Variants in OXR1 observed in about 807,000 individuals in gnomAD.
The protein encoded by OXR1 is oxidation resistance 1.
In OXR1, 41 loss-of-function variants were observed where a neutral mutation model predicts 104.6. The observed-to-expected ratio is 0.39, with a 90% confidence interval of 0.31 to 0.51. OXR1 has a LOEUF of 0.51. OXR1 is among the 20% of genes least tolerant of loss of function. The pLI is 0.77. For missense variants in OXR1, 955 were observed against 1,031.9 expected (o/e 0.93, Z 1.02); for synonymous variants, 348 against 348.4 (o/e 1.00, Z 0.01).
intron 2 of OXR1, among the ~76,000 whole-genome samples, chr8:106,369,408 C>T (rs1457697353): frequency 6.6e-6 from 1 of 152,130 alleles, no homozygotes; most frequent in Non-Finnish European, 1.5e-5. Context: ...TTAATTAGAA[C>T]CCATTTGTCA....
chr8:106,292,225 A>G (rs1348052852), intron 1 of OXR1, among the ~76,000 whole-genome samples: 3 of 152,190 alleles, frequency 2.0e-5, no homozygotes, highest in Non-Finnish European at 4.4e-5. Flanking sequence ...AAGAGTAGTG[A>G]TGCTGGAATT....
chr8:106,630,771 C>T lies in OXR1; in HGVS notation c.221-48439C>T, dbSNP rs941867227. Among the ~76,000 whole-genome samples, 17 of 152,156 alleles carry T rather than the reference C, an allele frequency of 1.1e-4. 1 individual carries two copies. Among genetic ancestry groups the T allele is most frequent in the Admixed American group, 9.8e-4 (15 of 15,276 alleles). On this transcript the variant is annotated intron_variant, in intron 3 of 16. Transcript: ENST00000517566. ...ATTTGTATACCTGATTAAATATCTACTAAGGGTATTATTTTTAATGTATAG... is the reference window on the plus strand; with the variant it reads ...ATTTGTATACCTGATTAAATATCTATTAAGGGTATTATTTTTAATGTATAG...
chr8:106,566,914 A>G (rs1233755485), intron 3 of OXR1, among the ~76,000 whole-genome samples: 2 of 152,184 alleles, frequency 1.3e-5, no homozygotes, highest in Non-Finnish European at 2.9e-5. Context: ...GAGTTGAACA[A>G]TGAAAACATA....
At chr8:106,476,859 G>A (rs1316309027) in intron 2 of OXR1, among the ~76,000 whole-genome samples, 1 of 151,734 alleles carries the variant, frequency 6.6e-6, no homozygotes, top group East Asian at 1.9e-4. Flanking sequence ...TTCTTTTTCT[G>A]GAATCCTATT....
intron 2 of OXR1, among the ~76,000 whole-genome samples, chr8:106,397,240 T>C (rs973759187): frequency 2.6e-5 from 4 of 152,026 alleles, no homozygotes; most frequent in Non-Finnish European, 5.9e-5. Context: ...ACTAATGATA[T>C]GTATATAAAT....
intron 5 of OXR1, 73 bp from the exon 6 acceptor site, chr8:106,684,173 C>T: frequency 1.4e-6 from 1 of 698,574 alleles, no homozygotes; most frequent in Admixed American, 2.3e-5. Context: ...GTTAATAGTG[C>T]TTGCTTATAG....
chr8:106,531,907 C>T (rs1385875869), intron 3 of OXR1, among the ~76,000 whole-genome samples: 1 of 152,162 alleles, frequency 6.6e-6, no homozygotes, highest in Non-Finnish European at 1.5e-5. Flanking sequence ...AAAAGATGCA[C>T]TTAAGGAAAA....
At chr8:106,591,750 A>C (rs1450429576) in intron 3 of OXR1, among the ~76,000 whole-genome samples, 1 of 152,226 alleles carries the variant, frequency 6.6e-6, no homozygotes, top group Non-Finnish European at 1.5e-5. Context: ...TGAAATAAGA[A>C]ACCAAAAATG....
At chr8:106,647,525 G>A (rs1199147404) in intron 3 of OXR1, among the ~76,000 whole-genome samples, 1 of 152,176 alleles carries the variant, frequency 6.6e-6, no homozygotes, top group Non-Finnish European at 1.5e-5. Context: ...TCAATTTTAA[G>A]GGTATCAAAT....
At chr8:106,384,570 T>C (rs1464550968) in intron 2 of OXR1, among the ~76,000 whole-genome samples, 1 of 152,182 alleles carries the variant, frequency 6.6e-6, no homozygotes, top group Non-Finnish European at 1.5e-5. Flanking sequence ...GGAGGAGCTA[T>C]CTTAGGTATA....
chr8:106,652,780 T>C (rs1457104661), intron 3 of OXR1, among the ~76,000 whole-genome samples: 1 of 151,816 alleles, frequency 6.6e-6, no homozygotes, highest in Non-Finnish European at 1.5e-5. Context: ...TTAGCATGGA[T>C]ATTAATGGAA....
intron 2 of OXR1, among the ~76,000 whole-genome samples, chr8:106,425,837 G>A (rs571198761): frequency 1.3e-5 from 2 of 152,290 alleles, no homozygotes; most frequent in South Asian, 4.1e-4. Context: ...TAAACATGGG[G>A]TAGGTTATTG....
intron 2 of OXR1, among the ~76,000 whole-genome samples, chr8:106,460,691 A>G (rs1309487566): frequency 1.3e-5 from 2 of 152,180 alleles, no homozygotes; most frequent in East Asian, 3.9e-4. Flanking sequence ...AATTCTGGGC[A>G]TGTTCTCCTT....
At chr8:106,619,648 T>G (rs115529293) in intron 3 of OXR1, among the ~76,000 whole-genome samples, 6 of 152,304 alleles carry the variant, frequency 3.9e-5, no homozygotes, top group African/African-American at 1.2e-4. Context: ...AAAATTGCCT[T>G]TGTAATAAAA....
chr8:106,286,161 A>G (rs147131715), intron 1 of OXR1, among the ~76,000 whole-genome samples: 5 of 152,288 alleles, frequency 3.3e-5, no homozygotes, highest in Admixed American at 1.3e-4. Flanking sequence ...TTACAAAGCT[A>G]TTAGGATTCT....
intron 1 of OXR1, among the ~76,000 whole-genome samples, chr8:106,312,740 A>G (rs1319716478): frequency 3.3e-5 from 5 of 152,242 alleles, no homozygotes; most frequent in Admixed American, 2.0e-4. Flanking sequence ...CCATTTATAA[A>G]GCTTAAATTA....
At chr8:106,396,164 A>G (rs900430213) in intron 2 of OXR1, among the ~76,000 whole-genome samples, 3 of 152,138 alleles carry the variant, frequency 2.0e-5, no homozygotes, top group African/African-American at 2.4e-5. Flanking sequence ...AATTCCAAAT[A>G]CTATATGTAG....
chr8:106,321,105 C>T lies in OXR1; in HGVS notation c.-138-38371C>T, dbSNP rs562390258. On this transcript the variant is annotated intron_variant, in intron 1 of 16. Transcript: ENST00000517566. ...TAACAAGAGCAAATGTTTTTCAAAT[C>T]TATTATAGGAACCATTTTATCTCTA... Among the ~76,000 whole-genome samples, 18 of 152,236 alleles carry T rather than the reference C, an allele frequency of 1.2e-4. No homozygotes were observed. In the East Asian group the frequency reaches 2.7e-3, roughly 23 times the overall value.
At chr8:106,282,717 A>G (rs953404328) in intron 1 of OXR1, among the ~76,000 whole-genome samples, 2 of 152,216 alleles carry the variant, frequency 1.3e-5, no homozygotes. Flanking sequence ...CACACAGAGT[A>G]GGCTGAGAAG....
Sources: allele counts gnomAD v4.1 joint callset (sites outside exome capture counted in the v4.1 genomes callset), GRCh38; gene constraint gnomAD v4.1.1; transcripts MANE v1.5; gene names NCBI Gene and HGNC (gene_info 2026-07-23, HGNC 2026-07-21).